TRIM36: variants seen among roughly 807,000 people sequenced by gnomAD.
TRIM36 encodes the protein tripartite motif containing 36, also known as E3 ubiquitin-protein ligase TRIM36.
TRIM36 carries 42 observed loss-of-function variants against 72.4 expected under a neutral mutation model. That is an observed-to-expected ratio of 0.58 (90% CI 0.45 to 0.75). The LOEUF is 0.75. Among genes scored for constraint, TRIM36 ranks in the 30% least tolerant of loss-of-function variants. The probability of loss-of-function intolerance (pLI) is 0.00; values close to 1 mark genes in which losing one functional copy is unlikely to be tolerated. For synonymous variants in TRIM36, 315 were observed against 282.8 expected (o/e 1.11, Z -1.14); for missense variants, 913 against 857.1 (o/e 1.07, Z -0.81).
In TRIM36 at chr5:115,143,222, C is replaced by CAAAA. The variant is rs59083853; in HGVS notation, c.735+1372_735+1375dup. Among the ~76,000 whole-genome samples the CAAAA allele has an allele frequency of 5.7e-4, 33 of 57,488 alleles. 1 individual carries two copies. The highest frequency in any genetic ancestry group is 8.8e-4 in the African/African-American group (11 of 12,490). The allele number at this position is 57,488 out of a possible 152,430, so 37.7% of individuals were successfully genotyped here. A position where few individuals can be genotyped will look rare whatever the true frequency, so the allele number is the denominator to read the frequency against. On this transcript the variant is annotated intron_variant, in intron 4 of 9. Transcript: ENST00000513154. ...GAGTGCCTGTTCCCCACCAGCCAGA[C>CAAAA]AAAAAAAAAAAAAAAAAAAAAAAAA...
chr5:115,162,959 C>CTT (rs35177858), intron 2 of TRIM36, among the ~76,000 whole-genome samples: 7 of 142,238 alleles, frequency 4.9e-5, no homozygotes, highest in Non-Finnish European at 4.6e-5. Flanking sequence ...ACAAACATAG[C>CTT]TTTTTTTTTT....
Position 115,166,439 on chromosome 5 carries a change from G to T in TRIM36, c.28-2687C>A, listed in dbSNP as rs146125858. On this transcript the variant is annotated intron_variant, in intron 1 of 9. Transcript: ENST00000513154. ...CCTGCAGAGAGGAGGTACCCACTCC[G>T]GGTCTCTTCTCTGCTGAGAGCTGCA... Among the ~76,000 whole-genome samples the T allele has an allele frequency of 5.6e-4, 85 of 152,222 alleles. 2 individuals are homozygous for T. The South Asian group carries it at 0.012, about 21-fold the overall frequency.
chr5:115,162,959 CTTT>C (rs35177858), intron 2 of TRIM36, among the ~76,000 whole-genome samples: 6 of 142,222 alleles, frequency 4.2e-5, no homozygotes, highest in Admixed American at 7.1e-5. Flanking sequence ...ACAAACATAG[CTTT>C]TTTTTTTTTT....
upstream of TRIM36, chr5:115,169,927 G>A: frequency 2.4e-6 from 3 of 1,273,128 alleles, no homozygotes; most frequent in Non-Finnish European, 3.0e-6. Flanking sequence ...ACGGCGCCGC[G>A]CAGAGACCTG....
intron 2 of TRIM36, 63 bp from the exon 3 acceptor site, chr5:115,147,457 G>A: frequency 2.6e-6 from 4 of 1,523,846 alleles, no homozygotes; most frequent in Non-Finnish European, 3.6e-6. Flanking sequence ...ATGAAGAAAA[G>A]AGGAGTCATG....
chr5:115,132,565 A>C (rs1366084316), intron 8 of TRIM36, among the ~76,000 whole-genome samples: 1 of 151,736 alleles, frequency 6.6e-6, no homozygotes, highest in African/African-American at 2.4e-5. Context: ...AAAAAAAAAA[A>C]AAAAGACTGC....
intron 2 of TRIM36, among the ~76,000 whole-genome samples, chr5:115,158,351 A>G (rs567771001): frequency 2.6e-5 from 4 of 152,366 alleles, no homozygotes; most frequent in African/African-American, 9.6e-5. Context: ...AAAAATTTCA[A>G]ATTGGTTTAT....
chr5:115,130,842 G>C lies in TRIM36; in HGVS notation c.1546C>G (p.Leu516Val). Residue 516 changes from leucine (L) to valine (V), a missense_variant, in exon 9 of 10, where the codon CTC becomes GTC. Transcript: ENST00000513154. ...DEKCGYNNEH[L>V]LLNLKRDRVE... is the part of the protein sequence containing the mutation. ...CGGTCTCTCTTCAAGTTCAGCAGGA[G>C]GTGTTCATTATTATAGCCACATTTT... 3 of 1,613,758 alleles carry C rather than the reference G, an allele frequency of 1.9e-6. No individual in the cohort carries two copies. The highest frequency in any genetic ancestry group is 1.1e-5 in the South Asian group (1 of 91,022).
At chr5:115,139,216 G>A (rs1341521074) in intron 5 of TRIM36, among the ~76,000 whole-genome samples, 2 of 151,460 alleles carry the variant, frequency 1.3e-5, no homozygotes, top group African/African-American at 4.9e-5. Context: ...TGCCTCCCGG[G>A]TTCAAGCAAT....
chr5:115,178,009 T>C (rs1431464201), intron 1 of TRIM36: 1 of 867,364 alleles, frequency 1.2e-6, no homozygotes, highest in Non-Finnish European at 1.8e-6. Flanking sequence ...TTGTTTTTGT[T>C]TACCTGACTT....
At chr5:115,141,458 C>G (rs956393476) in intron 4 of TRIM36, 84 bp from the exon 5 acceptor site, 2 of 730,416 alleles carry the variant, frequency 2.7e-6, no homozygotes, top group South Asian at 4.2e-5. Flanking sequence ...TTACACAGGA[C>G]TCATCCTCTT....
At chr5:115,142,209 C>T (rs1431020783) in intron 4 of TRIM36, among the ~76,000 whole-genome samples, 1 of 151,994 alleles carries the variant, frequency 6.6e-6, no homozygotes, top group Non-Finnish European at 1.5e-5. Flanking sequence ...TGACTTGAAA[C>T]GAAAAGGGTG....
chr5:115,125,662 T>A lies in TRIM36; in HGVS notation c.*841A>T, dbSNP rs374666829. On this transcript the variant is annotated 3_prime_UTR_variant, in exon 10 of 10. Coordinates refer to ENST00000513154, the MANE Select transcript of TRIM36 (RefSeq NM_001300759.2). ...TATGACTTTTAATATCAGTCCATCTTTACCAATATATCTGAAAAATAATTC... is the reference window on the plus strand; with the variant it reads ...TATGACTTTTAATATCAGTCCATCTATACCAATATATCTGAAAAATAATTC... The A allele has an allele frequency of 3.9e-5, 6 of 152,218 alleles. No individual in the cohort carries two copies. Among genetic ancestry groups the A allele is most frequent in the African/African-American group, 1.4e-4 (6 of 41,572 alleles). 9.4% of individuals were successfully genotyped at this position (152,218 alleles called of 1,614,324 possible).
chr5:115,154,043 C>T (rs1420482777), intron 2 of TRIM36, among the ~76,000 whole-genome samples: 2 of 151,656 alleles, frequency 1.3e-5, no homozygotes, highest in African/African-American at 2.4e-5. Flanking sequence ...CAAAACCATG[C>T]AAATACATGG....
chr5:115,166,033 G>T (rs544456863), intron 1 of TRIM36, among the ~76,000 whole-genome samples: 71 of 152,294 alleles, frequency 4.7e-4, no homozygotes, highest in Admixed American at 9.8e-4. Context: ...GGGCAGGGCT[G>T]AGGGTGACTC....
chr5:115,137,152 GTTTC>G (rs766417628), intron 6 of TRIM36, 28 bp from the exon 7 acceptor site: 7 of 1,546,910 alleles, frequency 4.5e-6, no homozygotes, highest in Middle Eastern at 2.3e-4. Context: ...ATATAAAAAT[GTTTC>G]TTTAAGAAGT....
chr5:115,138,621 C>T (rs1753101377), intron 5 of TRIM36, among the ~76,000 whole-genome samples: 1 of 152,070 alleles, frequency 6.6e-6, no homozygotes, highest in Non-Finnish European at 1.5e-5. Context: ...AGGTTATTTA[C>T]ATAAAGTATA....
At chr5:115,130,999 G>A (rs1752647135) in intron 8 of TRIM36, 110 bp from the exon 9 acceptor site, 2 of 1,275,418 alleles carry the variant, frequency 1.6e-6, no homozygotes, top group Non-Finnish European at 2.1e-6. Flanking sequence ...GAAGCGGGAA[G>A]GAGGTGTCAC....
chr5:115,147,471 T>C, intron 2 of TRIM36, 77 bp from the exon 3 acceptor site: 1 of 1,439,420 alleles, frequency 6.9e-7, no homozygotes, highest in Admixed American at 2.0e-5. Flanking sequence ...AGTCATGTCT[T>C]AGAGACATAT....
Sources: gnomAD v4.1 joint callset for allele counts (sites outside exome capture counted in the v4.1 genomes callset) on GRCh38, gnomAD v4.1.1 for gene constraint, MANE v1.5 for transcripts, NCBI Gene and HGNC (gene_info 2026-07-23, HGNC 2026-07-21) for gene names.